The following AMBRA1 variants were observed in gnomAD, a reference collection of about 807,000 sequenced individuals.
AMBRA1 encodes the protein autophagy and beclin 1 regulator 1.
Under a neutral mutation model 125.4 loss-of-function variants are expected in AMBRA1, and 47 were observed. The observed-to-expected ratio is 0.37, with a 90% CI of 0.30 to 0.48. The LOEUF (loss-of-function observed/expected upper bound fraction) is 0.48. Among genes scored for constraint, AMBRA1 ranks in the 20% least tolerant of loss-of-function variants. AMBRA1 has a pLI of 0.99. For missense variants in AMBRA1, 1,331 were observed against 1,693.4 expected (o/e 0.79, Z 3.76); for synonymous variants, 626 against 655.5 (o/e 0.95, Z 0.69).
chr11:46,464,947 A>C (rs1346037653), intron 11 of AMBRA1, among the ~76,000 whole-genome samples: 3 of 152,210 alleles, frequency 2.0e-5, no homozygotes, highest in Non-Finnish European at 4.4e-5. Context: ...CAGGAGTCTG[A>C]GGCAGGAGAA....
In AMBRA1 at chr11:46,548,740, C is replaced by T. The variant is rs184562854; in HGVS notation, c.-120-240G>A. On this transcript the variant is annotated intron_variant, in intron 1 of 17. Coordinates refer to ENST00000683756, the MANE Select transcript of AMBRA1 (RefSeq NM_001387011.1). ...AAGCACAGTGGCTCACGCCTGTAAT[C>T]CCCGAACTTTGGGAAGCCAAGGAGA... is the stretch of plus-strand genomic sequence containing the variant. Among the ~76,000 whole-genome samples, 114 of 152,318 alleles carry T rather than the reference C, an allele frequency of 7.5e-4. No individual in the cohort carries two copies. The East Asian group carries it at 0.021, about 28-fold the overall frequency.
intron 1 of AMBRA1, among the ~76,000 whole-genome samples, chr11:46,577,038 G>A (rs2043983206): frequency 6.6e-6 from 1 of 152,210 alleles, no homozygotes; most frequent in African/African-American, 2.4e-5. Flanking sequence ...TGGAGAAGCT[G>A]CAGATGTTGG....
At chr11:46,543,764 T>A (rs1952866479) in intron 6 of AMBRA1, among the ~76,000 whole-genome samples, 2 of 152,202 alleles carry the variant, frequency 1.3e-5, no homozygotes, top group Non-Finnish European at 2.9e-5. Flanking sequence ...TTACTTCTAA[T>A]GAGGCAATCA....
chr11:46,507,623 A>G (rs1486050816), intron 9 of AMBRA1, among the ~76,000 whole-genome samples: 2 of 152,182 alleles, frequency 1.3e-5, no homozygotes, highest in Non-Finnish European at 2.9e-5. Flanking sequence ...AACCCACCAC[A>G]TTAATTTGAC....
At position 46,429,049 on chromosome 11, in the gene AMBRA1, C is replaced by T. The variant is rs1258539528; in HGVS notation, c.2976+4425G>A. The T allele has an allele frequency of 6.2e-6, 10 of 1,611,012 alleles. No homozygotes were observed. In the African/African-American group the frequency reaches 1.2e-4, roughly 19 times the overall value. On this transcript the variant is annotated intron_variant, in intron 14 of 17. Coordinates refer to ENST00000683756, the MANE Select transcript of AMBRA1 (RefSeq NM_001387011.1). The stretch of plus-strand genomic sequence containing the variant: ...GGTTGGGCACATTCTTGTCTGCCAG[C>T]TCCGGGTGCTTAGGCATGTGGACAT...
chr11:46,573,385 C>A (rs2043836124), intron 1 of AMBRA1, among the ~76,000 whole-genome samples: 1 of 150,424 alleles, frequency 6.6e-6, no homozygotes, highest in Admixed American at 6.6e-5. Context: ...GCCTGGGCGA[C>A]AGAGTGAGAC....
chr11:46,573,929 T>G (rs891444854), intron 1 of AMBRA1, among the ~76,000 whole-genome samples: 14 of 145,958 alleles, frequency 9.6e-5, no homozygotes, highest in Non-Finnish European at 2.0e-4. Context: ...GGTTTTTTGT[T>G]CTTGCGATAG....
At chr11:46,454,579 CAAA>C (rs777518872) in intron 11 of AMBRA1, among the ~76,000 whole-genome samples, 4 of 50,498 alleles carry the variant, frequency 7.9e-5, no homozygotes, top group Non-Finnish European at 1.6e-4. Flanking sequence ...ACTAAAAATA[CAAA>C]AAAAAAAAAA....
Position 46,542,494 on chromosome 11 carries a change from A to G in AMBRA1, c.1523T>C (p.Leu508Pro). 1 of 1,613,740 alleles carries G rather than the reference A, an allele frequency of 6.2e-7. No individual in the cohort carries two copies. Among genetic ancestry groups the G allele is most frequent in the Non-Finnish European group, 8.5e-7 (1 of 1,180,030 alleles). The change falls in exon 7 of 18, where the codon CTG becomes CCG. Residue 508 changes from leucine to proline, a missense_variant. By Grantham distance (98) the Leu-to-Pro change is moderately conservative. Around this residue, in one of 4 missense-constraint regions of AMBRA1, gnomAD observed 689 missense variants for 776.5 expected, o/e 0.89. Coordinates refer to ENST00000683756, the MANE Select transcript of AMBRA1 (RefSeq NM_001387011.1). This position sits in a 1 kb window ranked among gnomAD's most constrained non-coding sequence, Gnocchi z 5.9. ...CAGCTCCTGAAGCCGGTCATACTCC[A>G]GAAAGAAGCGTCTCAGGTCACACTG... ...ELQCDLRRFF[L>P]EYDRLQELDQ...
At chr11:46,493,509 G>T in intron 11 of AMBRA1, 99 bp downstream of exon 11, 1 of 955,344 alleles carries the variant, frequency 1.0e-6, no homozygotes, top group Non-Finnish European at 1.5e-6. Flanking sequence ...TCAGACAGAT[G>T]CCAAGACACC....
chr11:46,494,865 AATAGTAGTAACTGCC>A (rs751659924), intron 9 of AMBRA1: 8 of 152,282 alleles, frequency 5.3e-5, no homozygotes, highest in Non-Finnish European at 1.2e-4. Flanking sequence ...CAGTCCATGC[AATAGTAGTAACTGCC>A]ATTTATTAAG....
At chr11:46,420,621 A>G (rs1946804046) in intron 14 of AMBRA1, among the ~76,000 whole-genome samples, 1 of 152,236 alleles carries the variant, frequency 6.6e-6, no homozygotes, top group African/African-American at 2.4e-5. Context: ...TAAAAGGACA[A>G]TGTGGGTGTG....
At chr11:46,433,167 C>A (rs1360046936) in intron 14 of AMBRA1, among the ~76,000 whole-genome samples, 3 of 152,200 alleles carry the variant, frequency 2.0e-5, no homozygotes, top group African/African-American at 7.2e-5. Context: ...TCATTGGGTC[C>A]TTTATGCATC....
At chr11:46,538,641 T>C (rs1323252180) in intron 7 of AMBRA1, among the ~76,000 whole-genome samples, 1 of 152,072 alleles carries the variant, frequency 6.6e-6, no homozygotes, top group Non-Finnish European at 1.5e-5. Flanking sequence ...ACTACAGGCA[T>C]GCACCACCAT....
At position 46,542,868 on chromosome 11, in the gene AMBRA1, G is replaced by A. The variant is rs1443801828; in HGVS notation, c.1149C>T (p.Leu383=). 7 of 1,613,614 alleles carry A rather than the reference G, an allele frequency of 4.3e-6. No individual in the cohort carries two copies. The highest frequency in any genetic ancestry group is 1.7e-5 in the Admixed American group (1 of 60,020). Residue 383 remains leucine (L), a synonymous_variant, in exon 7 of 18, where the codon CTC becomes CTT. Coordinates refer to ENST00000683756, the MANE Select transcript of AMBRA1 (RefSeq NM_001387011.1). This position sits in a 1 kb window ranked among gnomAD's most constrained non-coding sequence, Gnocchi z 5.9. ...GGGTAGGACCCAGACTGAGGTTGCG[G>A]AGCGTGTTGCCGGCAGTGCTGCTCT... is the stretch of plus-strand genomic sequence containing the variant. The part of the protein sequence containing the change: ...TVQSSTAGNT[L]RNLSLGPTRR...
chr11:46,459,739 TAC>T (rs56374939), intron 11 of AMBRA1, among the ~76,000 whole-genome samples: 3,641 of 109,966 alleles, frequency 0.033, 46 homozygotes, highest in Middle Eastern at 0.048. Flanking sequence ...AAAATACACA[TAC>T]ACACACACAC....
intron 17 of AMBRA1, among the ~76,000 whole-genome samples, chr11:46,407,036 G>A (rs1034636997): frequency 2.0e-5 from 3 of 151,950 alleles, no homozygotes; most frequent in East Asian, 1.9e-4. Context: ...GAAATTAGCC[G>A]GGAGTGGTGG....
intron 14 of AMBRA1, chr11:46,428,931 C>T (rs1947306764): frequency 1.9e-6 from 3 of 1,612,136 alleles, no homozygotes; most frequent in South Asian, 1.1e-5. Context: ...TGGATACCCT[C>T]ATTGGTAAGG....
At chr11:46,510,427 T>C (rs1951212150) in intron 8 of AMBRA1, among the ~76,000 whole-genome samples, 1 of 152,210 alleles carries the variant, frequency 6.6e-6, no homozygotes, top group South Asian at 2.1e-4. Flanking sequence ...ATTGGTTAAA[T>C]TCTCAAGTCA....
Sources: allele counts gnomAD v4.1 joint callset (sites outside exome capture counted in the v4.1 genomes callset), GRCh38; gene constraint gnomAD v4.1.1; regional missense constraint gnomAD v4.1.1; non-coding constraint Gnocchi (gnomAD v3.1); transcripts MANE v1.5; gene names NCBI Gene and HGNC (gene_info 2026-07-23, HGNC 2026-07-21).